PEX5L: variants seen among roughly 807,000 people sequenced by gnomAD.
The protein encoded by PEX5L is PEX5-related protein.
PEX5L carries 30 observed loss-of-function variants against 84.0 expected under a neutral mutation model. That is an observed-to-expected ratio of 0.36 (90% CI 0.27 to 0.48). The LOEUF (loss-of-function observed/expected upper bound fraction) is 0.48, where lower values mean the gene tolerates loss of function less well. PEX5L is among the 20% of genes least tolerant of loss of function. The probability of loss-of-function intolerance (pLI) is 0.99; values close to 1 mark genes in which losing one functional copy is unlikely to be tolerated. For synonymous variants in PEX5L, 270 were observed against 283.1 expected, an observed-to-expected ratio of 0.95 and a Z score of 0.46; for missense variants, 533 against 754.6, an observed-to-expected ratio of 0.71 and a Z score of 3.44.
At chr3:179,951,719 ACTG>A (rs1412278808) in intron 2 of PEX5L, among the ~76,000 whole-genome samples, 1 of 152,140 alleles carries the variant, frequency 6.6e-6, no homozygotes, top group East Asian at 1.9e-4. Context: ...ACAGAAATAA[ACTG>A]CTGTTTTGTT....
At chr3:179,910,626 T>A (rs920661331) in intron 2 of PEX5L, among the ~76,000 whole-genome samples, 33 of 152,316 alleles carry the variant, frequency 2.2e-4, no homozygotes, top group African/African-American at 7.7e-4. Flanking sequence ...TATTCTGGGG[T>A]AGGGCTTACA....
intron 1 of PEX5L, among the ~76,000 whole-genome samples, chr3:179,972,965 T>C (rs1785134155): frequency 6.6e-6 from 1 of 152,186 alleles, no homozygotes; most frequent in African/African-American, 2.4e-5. Context: ...ATTATTCTTG[T>C]CCTCATTTGA....
intron 2 of PEX5L, among the ~76,000 whole-genome samples, chr3:179,908,437 C>T (rs889155467): frequency 6.6e-6 from 1 of 152,144 alleles, no homozygotes; most frequent in Non-Finnish European, 1.5e-5. Flanking sequence ...CTTTTATAAA[C>T]TCTTCTCTCT....
intron 8 of PEX5L, among the ~76,000 whole-genome samples, chr3:179,841,202 CCTG>C (rs1737139806): frequency 6.6e-6 from 1 of 152,256 alleles, no homozygotes; most frequent in South Asian, 2.1e-4. Flanking sequence ...GCCTCCTCTG[CCTG>C]CTTCTTCAGC....
At chr3:179,934,258 A>G (rs1237650858) in intron 2 of PEX5L, among the ~76,000 whole-genome samples, 1 of 152,248 alleles carries the variant, frequency 6.6e-6, no homozygotes, top group Non-Finnish European at 1.5e-5. Context: ...ACAAGTGGAT[A>G]TGGCAAGATC....
chr3:179,903,035 C>G (rs764527593), intron 2 of PEX5L, among the ~76,000 whole-genome samples: 2 of 152,060 alleles, frequency 1.3e-5, no homozygotes, highest in East Asian at 3.9e-4. Context: ...ATTAACAACT[C>G]TAATATTTTC....
intron 2 of PEX5L, among the ~76,000 whole-genome samples, chr3:179,933,980 GC>G (rs1172810442): frequency 6.6e-6 from 1 of 152,206 alleles, no homozygotes; most frequent in Admixed American, 6.5e-5. Context: ...GGAAGGTTGT[GC>G]CAGGACTCAG....
At chr3:179,831,133 T>C (rs1169149935) in intron 8 of PEX5L, among the ~76,000 whole-genome samples, 2 of 151,998 alleles carry the variant, frequency 1.3e-5, no homozygotes, top group Non-Finnish European at 2.9e-5. Flanking sequence ...CTGGCCAAGA[T>C]AGTGAAACCC....
At chr3:179,845,908 G>C (rs1478342389) in intron 8 of PEX5L, among the ~76,000 whole-genome samples, 1 of 152,168 alleles carries the variant, frequency 6.6e-6, no homozygotes. Context: ...GGTGGCTCAC[G>C]CCTGTAATGC....
chr3:179,875,535 C>CGG, intron 5 of PEX5L, 58 bp from the exon 6 acceptor site: 1 of 565,870 alleles, frequency 1.8e-6, no homozygotes, highest in Non-Finnish European at 3.0e-6. Context: ...GTAGGGGGAG[C>CGG]GGTGGCGGGG....
intron 2 of PEX5L, among the ~76,000 whole-genome samples, chr3:179,951,945 T>G (rs1016788319): frequency 6.6e-6 from 1 of 152,214 alleles, no homozygotes. Context: ...CCCAGCTCCT[T>G]CCAACATATT....
intron 1 of PEX5L, among the ~76,000 whole-genome samples, chr3:180,021,360 G>A (rs138377620): frequency 6.6e-6 from 1 of 152,296 alleles, no homozygotes; most frequent in Non-Finnish European, 1.5e-5. Flanking sequence ...GTGGAGGCCA[G>A]TGTTTTTCAT....
intron 2 of PEX5L, among the ~76,000 whole-genome samples, chr3:179,900,240 C>G (rs1003694945): frequency 2.6e-5 from 4 of 152,068 alleles, no homozygotes; most frequent in Non-Finnish European, 5.9e-5. Flanking sequence ...TCTTTCCATG[C>G]TTCAGTAAGT....
Position 180,017,370 on chromosome 3 carries a change from G to A in PEX5L, c.21+19209C>T, listed in dbSNP as rs111548293. Among the ~76,000 whole-genome samples, 252 of 152,278 alleles carry A rather than the reference G, an allele frequency of 1.7e-3. 4 individuals are homozygous for A. Among genetic ancestry groups the A allele is most frequent in the African/African-American group, 5.9e-3 (245 of 41,566 alleles). ...GGATTACAGATTCAAGCCCCAGGAT[G>A]CCTTTGCAAGTTTCTCTCTCTTATA... is the stretch of plus-strand genomic sequence containing the variant. On this transcript the variant is annotated intron_variant, in intron 1 of 14. Coordinates refer to ENST00000467460, the MANE Select transcript of PEX5L (RefSeq NM_016559.3).
At chr3:179,831,857 G>A (rs1329229039) in intron 8 of PEX5L, among the ~76,000 whole-genome samples, 1 of 152,240 alleles carries the variant, frequency 6.6e-6, no homozygotes, top group Non-Finnish European at 1.5e-5. Flanking sequence ...GACGATGCCA[G>A]TGTAGACCTG....
At chr3:179,903,480 T>G (rs1270419765) in intron 2 of PEX5L, among the ~76,000 whole-genome samples, 1 of 152,190 alleles carries the variant, frequency 6.6e-6, no homozygotes, top group East Asian at 1.9e-4. Flanking sequence ...TCTTCCTGCC[T>G]TAGTCTTCCA....
intron 2 of PEX5L, among the ~76,000 whole-genome samples, chr3:179,942,735 G>T (rs1189518989): frequency 1.3e-5 from 2 of 152,216 alleles, no homozygotes; most frequent in African/African-American, 4.8e-5. Flanking sequence ...AGCCCTTCAA[G>T]GCCAGCTGCC....
At chr3:179,861,990 G>T (rs1386274672) in intron 7 of PEX5L, among the ~76,000 whole-genome samples, 1 of 152,194 alleles carries the variant, frequency 6.6e-6, no homozygotes, top group Non-Finnish European at 1.5e-5. Context: ...CAAACTGGTT[G>T]ACTTGAAAGG....
chr3:179,982,055 T>G (rs1000743918), intron 1 of PEX5L, among the ~76,000 whole-genome samples: 6 of 152,222 alleles, frequency 3.9e-5, no homozygotes, highest in African/African-American at 1.4e-4. Flanking sequence ...AAAGTGTGTT[T>G]AAAGAACTAG....
Sources: gnomAD v4.1 joint callset for allele counts (sites outside exome capture counted in the v4.1 genomes callset) on GRCh38, gnomAD v4.1.1 for gene constraint, MANE v1.5 for transcripts, NCBI Gene and HGNC (gene_info 2026-07-23, HGNC 2026-07-21) for gene names.